EXOSC7: variants seen among roughly 807,000 people sequenced by gnomAD.
EXOSC7 encodes exosome component 7, also known as exosome complex component RRP42.
In EXOSC7, 25 loss-of-function variants were observed where a neutral mutation model predicts 34.3. The ratio of observed to expected loss-of-function variants is 0.73; its 90% confidence interval spans 0.53 to 1.02. EXOSC7 has a LOEUF of 1.02. Ranked by LOEUF, EXOSC7 falls within the 50% of genes least tolerant of loss-of-function variation. The pLI, the probability that EXOSC7 is intolerant of heterozygous loss-of-function variation, is 0.00. For synonymous variants in EXOSC7, 130 were observed against 143.0 expected, an observed-to-expected ratio of 0.91 and a Z score of 0.65; for missense variants, 370 against 368.5, an observed-to-expected ratio of 1.00 and a Z score of -0.03.
chr3:45,000,198 C>A (rs2125970018), intron 4 of EXOSC7, among the ~76,000 whole-genome samples: 1 of 152,336 alleles, frequency 6.6e-6, no homozygotes, highest in Admixed American at 6.5e-5. Context: ...GCACTAACAA[C>A]ACACAGCTGA....
intron 1 of EXOSC7, among the ~76,000 whole-genome samples, chr3:44,978,595 C>T (rs948430707): frequency 3.3e-5 from 5 of 152,194 alleles, no homozygotes; most frequent in African/African-American, 1.2e-4. Flanking sequence ...ACGATCTAGA[C>T]TGGGAGGTCA....
intron 1 of EXOSC7, among the ~76,000 whole-genome samples, chr3:44,979,011 A>G (rs1309793807): frequency 6.6e-6 from 1 of 152,230 alleles, no homozygotes; most frequent in African/African-American, 2.4e-5. Flanking sequence ...CACCAGTACC[A>G]TGGACATATT....
chr3:44,986,285 G>A (rs969789202), intron 1 of EXOSC7, among the ~76,000 whole-genome samples: 1 of 152,222 alleles, frequency 6.6e-6, no homozygotes, highest in Non-Finnish European at 1.5e-5. Flanking sequence ...TGGGAAGGCA[G>A]CTAAGGCCCA....
At chr3:44,981,209 C>G (rs1300698703) in intron 1 of EXOSC7, among the ~76,000 whole-genome samples, 1 of 152,134 alleles carries the variant, frequency 6.6e-6, no homozygotes, top group African/African-American at 2.4e-5. Context: ...AGCCACTGAC[C>G]AGAGATAAAG....
chr3:44,989,764 A>G (rs1477445073), intron 3 of EXOSC7, 120 bp downstream of exon 3: 1 of 758,442 alleles, frequency 1.3e-6, no homozygotes, highest in Non-Finnish European at 2.2e-6. Flanking sequence ...GCCATCCAGC[A>G]GGCATTTGCT....
At chr3:44,991,818 A>G (rs1706581215) in intron 3 of EXOSC7, among the ~76,000 whole-genome samples, 1 of 152,114 alleles carries the variant, frequency 6.6e-6, no homozygotes, top group South Asian at 2.1e-4. Context: ...AAGGATCCCC[A>G]CAGGCCCAAG....
At chr3:44,998,363 G>A (rs866575627) in intron 4 of EXOSC7, among the ~76,000 whole-genome samples, 2 of 152,122 alleles carry the variant, frequency 1.3e-5, no homozygotes, top group Non-Finnish European at 2.9e-5. Context: ...GCAAACCACC[G>A]TGCCTGGCCT....
chr3:44,976,591 G>T (rs1204590146), intron 1 of EXOSC7, among the ~76,000 whole-genome samples: 1 of 152,222 alleles, frequency 6.6e-6, no homozygotes, highest in Admixed American at 6.5e-5. Flanking sequence ...AGTCTCGGAG[G>T]CCTTTTCTTA....
intron 6 of EXOSC7, 144 bp from the exon 7 acceptor site, chr3:45,007,276 C>A: frequency 2.5e-6 from 2 of 812,060 alleles, no homozygotes; most frequent in Non-Finnish European, 3.8e-6. Flanking sequence ...AGCTGTTTTC[C>A]TCGTGAGCAG....
chr3:44,988,620 GT>G (rs1706484275), intron 1 of EXOSC7, among the ~76,000 whole-genome samples: 1 of 152,220 alleles, frequency 6.6e-6, no homozygotes, highest in Non-Finnish European at 1.5e-5. Context: ...AGGGACCTTA[GT>G]TTGTTGACCC....
intron 3 of EXOSC7, among the ~76,000 whole-genome samples, chr3:44,991,106 CT>C (rs1192158080): frequency 6.6e-6 from 1 of 152,230 alleles, no homozygotes; most frequent in Admixed American, 6.5e-5. Context: ...TCTGTCCAAC[CT>C]GTGAATCTTT....
At chr3:44,983,448 A>G (rs573033691) in intron 1 of EXOSC7, among the ~76,000 whole-genome samples, 1 of 152,354 alleles carries the variant, frequency 6.6e-6, no homozygotes, top group East Asian at 1.9e-4. Context: ...AAACAGGCTT[A>G]GAGCTATTTA....
chr3:44,988,164 A>G (rs1261235062), intron 1 of EXOSC7, among the ~76,000 whole-genome samples: 5 of 152,260 alleles, frequency 3.3e-5, no homozygotes, highest in Admixed American at 6.5e-5. Flanking sequence ...TGGGCAGAGA[A>G]GACACAAGAG....
In EXOSC7 at chr3:44,997,201, C is replaced by CCTCT. The variant is rs750923318; in HGVS notation, c.370_373dup (p.Cys125SerfsTer4). The CCTCT allele has an allele frequency of 1.1e-5, 18 of 1,613,814 alleles. No individual in the cohort carries two copies. Among genetic ancestry groups the CCTCT allele is most frequent in the Non-Finnish European group, 1.4e-5 (17 of 1,179,964 alleles). On this transcript the variant is annotated frameshift_variant, in exon 4 of 8. Transcript: ENST00000265564. LOFTEE classifies it high-confidence loss of function. The stretch of plus-strand genomic sequence containing the variant: ...ATAAAAGCAGTGTCGACTTAAAGAC[C>CCTCT]CTCTGCATTAGTCCTCGGGAGCACT...
downstream of EXOSC7, among the ~76,000 whole-genome samples, chr3:45,012,010 A>G (rs1474488481): frequency 1.3e-5 from 2 of 152,234 alleles, no homozygotes; most frequent in African/African-American, 4.8e-5. Flanking sequence ...TTAAGAAGGC[A>G]GCTTTCAAGA....
chr3:44,983,432 A>G (rs762165635), intron 1 of EXOSC7, among the ~76,000 whole-genome samples: 3 of 152,214 alleles, frequency 2.0e-5, no homozygotes, highest in Non-Finnish European at 2.9e-5. Flanking sequence ...TGCTTTCTAG[A>G]TGAAGAAACA....
At chr3:45,005,236 AAG>A (rs1559751221) in intron 5 of EXOSC7, 53 bp from the exon 6 acceptor site, 1 of 1,603,794 alleles carries the variant, frequency 6.2e-7, no homozygotes, top group Non-Finnish European at 8.5e-7. Context: ...CAATCTTAAA[AAG>A]AAGTTATTTT....
chr3:44,994,471 G>C (rs1706662090), intron 3 of EXOSC7, among the ~76,000 whole-genome samples: 1 of 151,718 alleles, frequency 6.6e-6, no homozygotes, highest in Non-Finnish European at 1.5e-5. Flanking sequence ...TCAGATACAT[G>C]TAGTAACCTT....
chr3:45,005,519 C>T, intron 6 of EXOSC7, 105 bp downstream of exon 6: 1 of 1,168,018 alleles, frequency 8.6e-7, no homozygotes, highest in South Asian at 1.6e-5. Context: ...TAATACCACA[C>T]ACCATATAGA....
Sources: gnomAD v4.1 joint callset for allele counts (sites outside exome capture counted in the v4.1 genomes callset) on GRCh38, gnomAD v4.1.1 for gene constraint, MANE v1.5 for transcripts, NCBI Gene and HGNC (gene_info 2026-07-23, HGNC 2026-07-21) for gene names.